Variants in CCDC171 observed in about 807,000 individuals in gnomAD.
CCDC171 encodes coiled-coil domain containing 171, also known as coiled-coil domain-containing protein 171.
In CCDC171, 177 loss-of-function variants were observed where a neutral mutation model predicts 168.2. The ratio of observed to expected loss-of-function variants is 1.05; its 90% CI spans 0.93 to 1.19. The LOEUF is 1.19. Among genes scored for constraint, CCDC171 ranks in the 50% most tolerant of loss-of-function variants. CCDC171 has a pLI of 0.00. For synonymous variants in CCDC171, 687 were observed against 540.8 expected (o/e 1.27, Z -3.75); for missense variants, 1,991 against 1,539.0 (o/e 1.29, Z -4.91).
chr9:15,568,924 G>C (rs1304589219), intron 2 of CCDC171, among the ~76,000 whole-genome samples: 1 of 152,044 alleles, frequency 6.6e-6, no homozygotes, highest in Admixed American at 6.5e-5. Context: ...GTCAATTTTT[G>C]CTTTTGTTGT....
chr9:16,103,663 G>A, the CCDC171 span, among the ~76,000 whole-genome samples: 2 of 152,146 alleles, frequency 1.3e-5, no homozygotes, highest in Non-Finnish European at 2.9e-5. Context: ...CGCTGCTGCC[G>A]GGATGTGAGC....
chr9:15,836,983 C>G (rs1238431359), intron 21 of CCDC171, among the ~76,000 whole-genome samples: 2 of 152,118 alleles, frequency 1.3e-5, no homozygotes, highest in Non-Finnish European at 2.9e-5. Flanking sequence ...GCCACATTGG[C>G]CAAATTTGGT....
intron 21 of CCDC171, among the ~76,000 whole-genome samples, chr9:15,787,267 A>G (rs561249017): frequency 1.3e-5 from 2 of 152,016 alleles, no homozygotes; most frequent in Admixed American, 6.6e-5. Flanking sequence ...CCATTTTGAA[A>G]TATACATTAT....
chr9:15,773,109 C>T (rs991707109), intron 18 of CCDC171, among the ~76,000 whole-genome samples: 3 of 151,980 alleles, frequency 2.0e-5, no homozygotes, highest in Non-Finnish European at 2.9e-5. Flanking sequence ...GAATATTTCT[C>T]AATCTTTGAG....
intron 2 of CCDC171, among the ~76,000 whole-genome samples, chr9:15,568,865 T>TA (rs2039970682): frequency 6.6e-6 from 1 of 152,170 alleles, no homozygotes; most frequent in Non-Finnish European, 1.5e-5. Flanking sequence ...AAACTGTTGA[T>TA]AGTTTCTTTT....
intron 21 of CCDC171, among the ~76,000 whole-genome samples, chr9:15,828,613 G>A (rs1188229523): frequency 6.6e-6 from 1 of 152,146 alleles, no homozygotes; most frequent in African/African-American, 2.4e-5. Context: ...AGATTTAAGT[G>A]CAATACAGAA....
At chr9:15,967,521 A>C (rs1167188838) in intron 25 of CCDC171, among the ~76,000 whole-genome samples, 1 of 152,176 alleles carries the variant, frequency 6.6e-6, no homozygotes, top group South Asian at 2.1e-4. Context: ...TATATTCAGG[A>C]AACTGATTTC....
At chr9:15,625,421 C>G (rs968718619) in intron 7 of CCDC171, among the ~76,000 whole-genome samples, 6 of 151,908 alleles carry the variant, frequency 3.9e-5, no homozygotes, top group African/African-American at 7.3e-5. Flanking sequence ...TATTGCCTAG[C>G]TTTTCTTCTA....
At chr9:15,602,463 A>G (rs2042923859) in intron 6 of CCDC171, among the ~76,000 whole-genome samples, 2 of 152,032 alleles carry the variant, frequency 1.3e-5, no homozygotes, top group African/African-American at 4.8e-5. Context: ...TGGGCTTTAG[A>G]ATTCAGACCC....
At chr9:15,867,878 G>T (rs2061857915) in intron 23 of CCDC171, among the ~76,000 whole-genome samples, 1 of 151,900 alleles carries the variant, frequency 6.6e-6, no homozygotes, top group Non-Finnish European at 1.5e-5. Context: ...ATAGCTCAAG[G>T]TCAAAGCACT....
At chr9:15,805,989 G>A (rs529391369) in intron 21 of CCDC171, among the ~76,000 whole-genome samples, 316 of 151,204 alleles carry the variant, frequency 2.1e-3, no homozygotes, top group Non-Finnish European at 3.7e-3. Flanking sequence ...CTTGTTGAAT[G>A]TCTTTCTTTG....
intron 24 of CCDC171, among the ~76,000 whole-genome samples, chr9:15,907,932 A>T (rs1353497268): frequency 6.6e-6 from 1 of 152,216 alleles, no homozygotes; most frequent in Non-Finnish European, 1.5e-5. Flanking sequence ...CATCAGAGAA[A>T]TGCAAATCAA....
At chr9:15,990,506 A>C (rs1832152701) in intron 3 of CCDC171, among the ~76,000 whole-genome samples, 1 of 152,222 alleles carries the variant, frequency 6.6e-6, no homozygotes, top group South Asian at 2.1e-4. Context: ...GCTAGGAAGA[A>C]ACTGCAACAA....
chr9:15,893,265 C>G (rs1820453462), intron 24 of CCDC171, among the ~76,000 whole-genome samples: 1 of 152,080 alleles, frequency 6.6e-6, no homozygotes, highest in Non-Finnish European at 1.5e-5. Context: ...CTTCTTTACA[C>G]CTTATACAAA....
chr9:15,571,559 T>G (rs2040222463), intron 2 of CCDC171, 65 bp from the exon 3 acceptor site: 1 of 1,292,050 alleles, frequency 7.7e-7, no homozygotes, highest in Non-Finnish European at 1.1e-6. Context: ...ATCAAAAATA[T>G]CAGAAATGCT....
At chr9:15,841,306 C>T (rs1214380065) in intron 21 of CCDC171, among the ~76,000 whole-genome samples, 1 of 151,950 alleles carries the variant, frequency 6.6e-6, no homozygotes, top group Non-Finnish European at 1.5e-5. Flanking sequence ...AATATAGGCA[C>T]TCATAAGTTG....
chr9:15,891,430 A>G (rs969365917), intron 24 of CCDC171, among the ~76,000 whole-genome samples: 2 of 152,188 alleles, frequency 1.3e-5, no homozygotes, highest in African/African-American at 4.8e-5. Flanking sequence ...GGTCAGAATT[A>G]GGATGTGTCT....
At chr9:16,032,669 G>A (rs1479597253) in intron 6 of CCDC171, among the ~76,000 whole-genome samples, 1 of 152,148 alleles carries the variant, frequency 6.6e-6, no homozygotes, top group East Asian at 1.9e-4. Flanking sequence ...CCAGGCTGGA[G>A]TACAGTGGCA....
chr9:15,880,547 A>T (rs2487758), intron 24 of CCDC171, among the ~76,000 whole-genome samples: 4 of 149,498 alleles, frequency 2.7e-5, no homozygotes, highest in Non-Finnish European at 5.9e-5. Context: ...ACCTCCCGCA[A>T]CCGGGTTCAA....
Sources: gnomAD v4.1 joint callset for allele counts (sites outside exome capture counted in the v4.1 genomes callset) on GRCh38, gnomAD v4.1.1 for gene constraint, MANE v1.5 for transcripts, NCBI Gene and HGNC (gene_info 2026-07-23, HGNC 2026-07-21) for gene names.